LCOR: variants seen among roughly 807,000 people sequenced by gnomAD.
LCOR encodes ligand-dependent corepressor.
Under a neutral mutation model 64.4 loss-of-function variants are expected in LCOR, and 14 were observed. The observed-to-expected ratio is 0.22, with a 90% CI of 0.14 to 0.34. LCOR has a LOEUF of 0.34. Among genes scored for constraint, LCOR ranks in the 10% least tolerant of loss-of-function variants. LCOR has a pLI of 1.00. For synonymous variants in LCOR, 643 were observed against 642.5 expected (o/e 1.00, Z -0.01); for missense variants, 1,686 against 1,765.3 (o/e 0.96, Z 0.80).
At position 96,983,189 on chromosome 10, in the gene LCOR, A is replaced by C; in HGVS notation, c.2729A>C (p.Gln910Pro). 1 of 1,614,184 alleles carries C rather than the reference A, an allele frequency of 6.2e-7. No individual in the cohort carries two copies. The highest frequency in any genetic ancestry group is 8.5e-7 in the Non-Finnish European group (1 of 1,180,034). Residue 910 changes from glutamine to proline, a missense_variant, in exon 8 of 8, where the codon CAG becomes CCG. Around this residue, in one of 3 missense-constraint regions of LCOR, gnomAD observed 1,293 missense variants for 1,410.4 expected, o/e 0.92. Transcript: ENST00000421806. This position sits in a 1 kb window ranked among gnomAD's most constrained non-coding sequence, Gnocchi z 4.5. Reference sequence around the variant, plus strand: ...GAAGGCGGGGGGATCATCACCAGGCAGACTTTGAAAAACATGCTGGACAAA... The same window carrying C: ...GAAGGCGGGGGGATCATCACCAGGCCGACTTTGAAAAACATGCTGGACAAA... ...EGEGGGIITR[Q>P]TLKNMLDKEV...
In LCOR at chr10:96,844,311, T is replaced by A. The variant is rs76740347; in HGVS notation, c.-330+10832T>A. Reference sequence around the variant, plus strand: ...GACTATGGGTATACTCCATGGTGCCTGGCTAATATTTTTATTTTTTGTAAA... The same window carrying A: ...GACTATGGGTATACTCCATGGTGCCAGGCTAATATTTTTATTTTTTGTAAA... On this transcript the variant is annotated intron_variant, in intron 2 of 7. Coordinates refer to ENST00000421806, the MANE Select transcript of LCOR (RefSeq NM_001346516.2). 9.9e-3 allele frequency among the ~76,000 whole-genome samples: 1,503 copies of A among 151,822 alleles called. 22 individuals carry two copies. Among genetic ancestry groups the A allele is most frequent in the African/African-American group, 0.031 (1,290 of 41,374 alleles).
In LCOR at chr10:96,984,314, G is replaced by A. The variant is rs199889747; in HGVS notation, c.3854G>A (p.Ser1285Asn). ...AGCCCCGGCCCTAATTCTGAAGACA[G>A]CATAGAGGAAGTCAAGGAAGATAGA... ...DVSPGPNSEDSIEEVKEDRNS... is the reference protein window; with the variant it reads ...DVSPGPNSEDNIEEVKEDRNS... The change falls in exon 8 of 8, where the codon AGC (serine) becomes AAC (asparagine). Residue 1285 changes from serine to asparagine, a missense_variant. This residue lies in a region of LCOR where 1,293 missense variants were observed against 1,410.4 expected (regional missense o/e 0.92). Coordinates refer to ENST00000421806, the MANE Select transcript of LCOR (RefSeq NM_001346516.2). 1 of 1,614,120 alleles carries A rather than the reference G, an allele frequency of 6.2e-7. No individual in the cohort carries two copies. The highest frequency in any genetic ancestry group is 8.5e-7 in the Non-Finnish European group (1 of 1,180,040).
chr10:96,849,052 G>A (rs980872241), intron 2 of LCOR, among the ~76,000 whole-genome samples: 1 of 133,182 alleles, frequency 7.5e-6, no homozygotes, highest in African/African-American at 2.8e-5. Flanking sequence ...CTGTCACCTG[G>A]CTAATTGTCT....
intron 2 of LCOR, among the ~76,000 whole-genome samples, chr10:96,867,596 C>G (rs979721186): frequency 6.6e-6 from 1 of 151,874 alleles, no homozygotes; most frequent in African/African-American, 2.4e-5. Context: ...AATTCTGTCT[C>G]AAAAATATAT....
intron 2 of LCOR, among the ~76,000 whole-genome samples, chr10:96,870,879 C>T (rs1006414936): frequency 1.3e-5 from 2 of 152,184 alleles, no homozygotes; most frequent in African/African-American, 4.8e-5. Context: ...TGCTTGTCCT[C>T]ATTCTTATTA....
intron 2 of LCOR, among the ~76,000 whole-genome samples, chr10:96,875,832 C>T (rs530972952): frequency 4.7e-4 from 72 of 152,162 alleles, no homozygotes; most frequent in African/African-American, 1.7e-3. Context: ...CACCACTGCA[C>T]TCCAGCCTGG....
chr10:96,920,478 A>G (rs1316703955), intron 4 of LCOR, among the ~76,000 whole-genome samples: 1 of 145,262 alleles, frequency 6.9e-6, no homozygotes, highest in African/African-American at 2.6e-5. Flanking sequence ...GTGTATATAT[A>G]TGTATATTCA....
At chr10:96,914,472 C>T (rs1340014193) in intron 4 of LCOR, among the ~76,000 whole-genome samples, 1 of 152,222 alleles carries the variant, frequency 6.6e-6, no homozygotes, top group Non-Finnish European at 1.5e-5. Context: ...GCTGGGATTA[C>T]AGGCGCGAGC....
intron 2 of LCOR, among the ~76,000 whole-genome samples, chr10:96,865,874 C>CAAAAAAAAA (rs57814101): frequency 1.1e-5 from 1 of 89,006 alleles, no homozygotes. Flanking sequence ...GACTCTGTCT[C>CAAAAAAAAA]AAAAAAAAAA....
intron 4 of LCOR, among the ~76,000 whole-genome samples, chr10:96,937,325 A>G (rs935404618): frequency 3.3e-5 from 5 of 152,146 alleles, no homozygotes; most frequent in African/African-American, 1.2e-4. Context: ...TTGACACCCT[A>G]ATTTTGGGTG....
At chr10:96,939,892 G>A (rs939463840) in intron 4 of LCOR, among the ~76,000 whole-genome samples, 2 of 152,220 alleles carry the variant, frequency 1.3e-5, no homozygotes, top group Non-Finnish European at 2.9e-5. Flanking sequence ...GAATCCAGGA[G>A]GCGGAGGTTG....
In LCOR at chr10:96,981,852, T is replaced by A. The variant is rs746642223; in HGVS notation, c.1392T>A (p.Asn464Lys). Residue 464 changes from asparagine (N) to lysine (K), a missense_variant, in exon 8 of 8, where the codon AAT (asparagine) becomes AAA (lysine). Physicochemically the swap from Asn to Lys is moderately conservative, Grantham distance 94. Transcript: ENST00000421806. ...KSKRASGLRI[N>K]DYDNQCDVVY... is the part of the protein sequence containing the mutation. ...AAAGGGCATCAGGGCTGAGGATAAA[T>A]GATTATGATAACCAGTGTGATGTTG... is the stretch of plus-strand genomic sequence containing the variant. 4 of 1,614,082 alleles carry A rather than the reference T, an allele frequency of 2.5e-6. No homozygotes were observed. Among genetic ancestry groups the A allele is most frequent in the Non-Finnish European group, 2.5e-6 (3 of 1,180,036 alleles).
intron 2 of LCOR, among the ~76,000 whole-genome samples, chr10:96,856,192 T>C (rs931479541): frequency 2.0e-5 from 3 of 151,940 alleles, no homozygotes; most frequent in Non-Finnish European, 4.4e-5. Context: ...TGCCTCAGCC[T>C]CCTGAGTAGC....
At chr10:96,879,185 C>T (rs546076823) in intron 2 of LCOR, among the ~76,000 whole-genome samples, 1 of 152,172 alleles carries the variant, frequency 6.6e-6, no homozygotes, top group East Asian at 1.9e-4. Flanking sequence ...TTATTTAGTC[C>T]TAATAAAAAC....
chr10:96,942,412 C>T (rs553202672), intron 4 of LCOR, among the ~76,000 whole-genome samples: 2 of 152,118 alleles, frequency 1.3e-5, no homozygotes, highest in African/African-American at 4.8e-5. Context: ...AGCTTTGGCT[C>T]GGCATCAGAG....
At chr10:96,952,359 T>C (rs1847696267) in intron 7 of LCOR, among the ~76,000 whole-genome samples, 163 bp downstream of exon 7, 2 of 152,242 alleles carry the variant, frequency 1.3e-5, no homozygotes, top group African/African-American at 4.8e-5. Flanking sequence ...AATGTAAAAT[T>C]GGCTAGTACA....
At position 96,864,765 on chromosome 10, in the gene LCOR, C is replaced by G. The variant is rs143681471; in HGVS notation, c.-330+31286C>G. On this transcript the variant is annotated intron_variant, in intron 2 of 7. Transcript: ENST00000421806. ...TATACACATACTTACCATTGTGTTA[C>G]CATTGCCGACAGCATTCAGTACAGT... Among the ~76,000 whole-genome samples the G allele has an allele frequency of 9.9e-5, 15 of 152,276 alleles. No homozygotes were observed. In the East Asian group the frequency reaches 2.9e-3, roughly 29 times the overall value.
chr10:96,939,081 G>A (rs1473617604), intron 4 of LCOR, among the ~76,000 whole-genome samples: 1 of 152,200 alleles, frequency 6.6e-6, no homozygotes, highest in African/African-American at 2.4e-5. Context: ...AACAAATTGG[G>A]AGGATTTACA....
At chr10:96,919,214 T>C (rs1477486215) in intron 4 of LCOR, among the ~76,000 whole-genome samples, 2 of 152,166 alleles carry the variant, frequency 1.3e-5, no homozygotes, top group African/African-American at 4.8e-5. Flanking sequence ...AGAATATGCC[T>C]ACTTATATAA....
Sources: gnomAD v4.1 joint callset for allele counts (sites outside exome capture counted in the v4.1 genomes callset) on GRCh38, gnomAD v4.1.1 for gene constraint, gnomAD v4.1.1 regional missense constraint, Gnocchi (gnomAD v3.1) non-coding constraint, MANE v1.5 for transcripts, NCBI Gene and HGNC (gene_info 2026-07-23, HGNC 2026-07-21) for gene names.